The following KHDRBS2 variants were observed in gnomAD, a reference collection of about 807,000 sequenced individuals.
KHDRBS2 encodes the protein KH RNA binding domain containing, signal transduction associated 2, also known as KH domain-containing, RNA-binding, signal transduction-associated protein 2.
Under a neutral mutation model 44.3 loss-of-function variants are expected in KHDRBS2, and 26 were observed. The observed-to-expected ratio is 0.59, with a 90% CI of 0.43 to 0.81. KHDRBS2 has a LOEUF of 0.81. KHDRBS2 is among the 40% of genes least tolerant of loss of function. The pLI, the probability that KHDRBS2 is intolerant of heterozygous loss-of-function variation, is 0.00. For missense variants in KHDRBS2, 476 were observed against 433.1 expected, an observed-to-expected ratio of 1.10 and a Z score of -0.88; for synonymous variants, 194 against 151.1, an observed-to-expected ratio of 1.28 and a Z score of -2.08.
intron 3 of KHDRBS2, among the ~76,000 whole-genome samples, chr6:62,035,509 C>T (rs188499364): frequency 6.6e-6 from 1 of 151,896 alleles, no homozygotes; most frequent in East Asian, 1.9e-4. Context: ...GGGTTAGTGG[C>T]TGTGGGGAAA....
At chr6:62,125,747 G>C (rs1451507695) in intron 2 of KHDRBS2, among the ~76,000 whole-genome samples, 2 of 152,096 alleles carry the variant, frequency 1.3e-5, no homozygotes, top group Admixed American at 1.3e-4. Context: ...CAGGCCAGGA[G>C]GGAACCTGCT....
chr6:62,097,224 T>C (rs1800810481), intron 2 of KHDRBS2, among the ~76,000 whole-genome samples: 1 of 151,982 alleles, frequency 6.6e-6, no homozygotes, highest in African/African-American at 2.4e-5. Context: ...TAGAATGTTC[T>C]GTATAGGTCT....
intron 2 of KHDRBS2, among the ~76,000 whole-genome samples, chr6:62,048,654 C>T (rs1428607131): frequency 1.3e-5 from 2 of 151,818 alleles, no homozygotes; most frequent in East Asian, 1.9e-4. Flanking sequence ...ATATACAAAA[C>T]ACTTTGTCGA....
the KHDRBS2 span, among the ~76,000 whole-genome samples, chr6:61,657,675 C>A: frequency 6.6e-6 from 1 of 151,946 alleles, no homozygotes; most frequent in Non-Finnish European, 1.5e-5. Context: ...TTGGTGACTT[C>A]AGTGCTCCCT....
At chr6:62,181,940 A>T (rs1463940943) in intron 1 of KHDRBS2, among the ~76,000 whole-genome samples, 1 of 152,014 alleles carries the variant, frequency 6.6e-6, no homozygotes, top group Non-Finnish European at 1.5e-5. Context: ...TGAATCTGCC[A>T]GCACCAAGAT....
chr6:62,067,304 C>G (rs1793958463), intron 2 of KHDRBS2, among the ~76,000 whole-genome samples: 1 of 151,484 alleles, frequency 6.6e-6, no homozygotes. Context: ...AGTAAAGGTA[C>G]TACATATTTT....
At chr6:62,023,813 C>G (rs1412341087) in intron 3 of KHDRBS2, among the ~76,000 whole-genome samples, 1 of 150,870 alleles carries the variant, frequency 6.6e-6, no homozygotes, top group Non-Finnish European at 1.5e-5. Context: ...AATCATTATT[C>G]CTAAAATTAC....
At chr6:61,757,233 C>G (rs1778621070) in intron 6 of KHDRBS2, among the ~76,000 whole-genome samples, 1 of 152,074 alleles carries the variant, frequency 6.6e-6, no homozygotes, top group Non-Finnish European at 1.5e-5. Context: ...TTTCTGTATA[C>G]CTGCTCTCTG....
At chr6:62,210,059 T>C (rs1489542672) in intron 1 of KHDRBS2, among the ~76,000 whole-genome samples, 1 of 152,130 alleles carries the variant, frequency 6.6e-6, no homozygotes, top group Non-Finnish European at 1.5e-5. Context: ...CATATATACA[T>C]CTATCCTACT....
chr6:61,780,470 G>A (rs1384505236), intron 6 of KHDRBS2, among the ~76,000 whole-genome samples: 2 of 152,098 alleles, frequency 1.3e-5, no homozygotes, highest in Non-Finnish European at 2.9e-5. Flanking sequence ...CAGCCTGGGC[G>A]ACAGAGCCAG....
intron 2 of KHDRBS2, among the ~76,000 whole-genome samples, chr6:62,058,263 A>G (rs1432513548): frequency 6.6e-6 from 1 of 151,844 alleles, no homozygotes; most frequent in Non-Finnish European, 1.5e-5. Context: ...CTGAACAGCC[A>G]ATCTCTCCTG....
the KHDRBS2 span, among the ~76,000 whole-genome samples, chr6:61,593,474 GT>G: frequency 0.13 from 18,316 of 146,212 alleles, 1,167 homozygotes; most frequent in East Asian, 0.23. Context: ...TGTACTATAG[GT>G]TTTTTTTTTT....
At chr6:61,542,942 A>G in the KHDRBS2 span, among the ~76,000 whole-genome samples, 3 of 152,052 alleles carry the variant, frequency 2.0e-5, no homozygotes, top group Non-Finnish European at 4.4e-5. Flanking sequence ...TAGAGCAGTT[A>G]AATAGCAATT....
intron 3 of KHDRBS2, among the ~76,000 whole-genome samples, chr6:62,032,927 T>C (rs1425684031): frequency 6.6e-6 from 1 of 151,640 alleles, no homozygotes; most frequent in African/African-American, 2.4e-5. Context: ...GACAGAGAAT[T>C]CAAAATAGCA....
intron 2 of KHDRBS2, among the ~76,000 whole-genome samples, chr6:62,070,524 G>C (rs988199973): frequency 6.6e-6 from 1 of 151,438 alleles, no homozygotes; most frequent in Non-Finnish European, 1.5e-5. Context: ...GGTGTGTGAT[G>C]TTCCCCTTAC....
intron 3 of KHDRBS2, among the ~76,000 whole-genome samples, chr6:62,037,710 T>C (rs1785594170): frequency 6.6e-6 from 1 of 151,948 alleles, no homozygotes; most frequent in Non-Finnish European, 1.5e-5. Flanking sequence ...CCTATAGTGA[T>C]GCTAAAATTG....
the KHDRBS2 span, among the ~76,000 whole-genome samples, chr6:61,612,818 T>TA: frequency 6.8e-6 from 1 of 147,014 alleles, no homozygotes; most frequent in Non-Finnish European, 1.5e-5. Flanking sequence ...CAAAGTAGTC[T>TA]AAAACTGTTC....
chr6:62,273,584 T>C (rs1281568594), intron 1 of KHDRBS2, among the ~76,000 whole-genome samples: 1 of 152,188 alleles, frequency 6.6e-6, no homozygotes, highest in Non-Finnish European at 1.5e-5. Context: ...AATACTGTTA[T>C]TCCTCAGAGT....
chr6:61,740,087 A>G (rs1309160699), intron 6 of KHDRBS2, among the ~76,000 whole-genome samples: 1 of 151,876 alleles, frequency 6.6e-6, no homozygotes, highest in African/African-American at 2.4e-5. Context: ...CAAAGAAAGC[A>G]CTCCAAGAGT....
Sources: gnomAD v4.1 joint callset for allele counts (sites outside exome capture counted in the v4.1 genomes callset) on GRCh38, gnomAD v4.1.1 for gene constraint, MANE v1.5 for transcripts, NCBI Gene and HGNC (gene_info 2026-07-23, HGNC 2026-07-21) for gene names.